Variants in CHP1 observed in about 807,000 individuals in gnomAD.
CHP1 encodes the protein calcineurin like EF-hand protein 1, also known as calcineurin B homologous protein 1.
Under a neutral mutation model 27.4 loss-of-function variants are expected in CHP1, and 11 were observed. The ratio of observed to expected loss-of-function variants is 0.40; its 90% CI spans 0.25 to 0.67. The LOEUF is 0.67. Ranked by LOEUF, CHP1 falls within the 30% of genes least tolerant of loss-of-function variation. The pLI is 0.38. For missense variants in CHP1, 169 were observed against 251.3 expected, an observed-to-expected ratio of 0.67 and a Z score of 2.22; for synonymous variants, 89 against 87.4, an observed-to-expected ratio of 1.02 and a Z score of -0.10.
intron 1 of CHP1, 26 bp from the exon 2 acceptor site, chr15:41,243,641 G>C (rs2047318308): frequency 6.2e-7 from 1 of 1,610,192 alleles, no homozygotes; most frequent in East Asian, 2.2e-5. Flanking sequence ...CTTCCCCCGA[G>C]CTGGGACTAA....
intron 6 of CHP1, 33 bp downstream of exon 6, chr15:41,278,922 C>G (rs150007408): frequency 2.5e-6 from 4 of 1,612,148 alleles, no homozygotes; most frequent in East Asian, 2.2e-5. Context: ...GAAAAAGTTA[C>G]GTTTTAGTGG....
At chr15:41,257,037 C>CT (rs1370225175) in intron 3 of CHP1, 47 bp downstream of exon 3, 3 of 1,423,418 alleles carry the variant, frequency 2.1e-6, no homozygotes, top group Non-Finnish European at 3.0e-6. Flanking sequence ...CTATCACAAC[C>CT]TAAATTATTT....
intron 3 of CHP1, among the ~76,000 whole-genome samples, chr15:41,259,583 C>T (rs1453113194): frequency 7.0e-6 from 1 of 143,042 alleles, no homozygotes; most frequent in Non-Finnish European, 1.5e-5. Context: ...TTATTCAATT[C>T]CCTTTTACCC....
chr15:41,250,881 G>A (rs576362230), intron 2 of CHP1, among the ~76,000 whole-genome samples: 1 of 151,154 alleles, frequency 6.6e-6, no homozygotes, highest in South Asian at 2.1e-4. Flanking sequence ...CCAGGCTGGA[G>A]TGCAGAGGCA....
rs777531502 is a variant in CHP1, at chr15:41,279,394, G to T, written c.*5G>T. On this transcript the variant is annotated 3_prime_UTR_variant, in exon 7 of 7. Coordinates refer to ENST00000334660, the MANE Select transcript of CHP1 (RefSeq NM_007236.5). ...AGCATCCGATTTCTTCACTAAAGGAGACCAAACTGTTCCTTGCGGTCTAGT... is the reference window on the plus strand; with the variant it reads ...AGCATCCGATTTCTTCACTAAAGGATACCAAACTGTTCCTTGCGGTCTAGT... 1.2e-6 allele frequency: 2 copies of T among 1,612,056 alleles called. No homozygotes were observed. Among genetic ancestry groups the T allele is most frequent in the East Asian group, 4.5e-5 (2 of 44,878 alleles).
chr15:41,241,481 A>G (rs1308682785), intron 1 of CHP1, among the ~76,000 whole-genome samples: 2 of 152,204 alleles, frequency 1.3e-5, no homozygotes, highest in Admixed American at 1.3e-4. Flanking sequence ...CTGGTAAGCC[A>G]TGGTGCTAGC....
At chr15:41,258,818 G>A (rs2047416692) in intron 3 of CHP1, among the ~76,000 whole-genome samples, 1 of 152,146 alleles carries the variant, frequency 6.6e-6, no homozygotes, top group Admixed American at 6.5e-5. Flanking sequence ...TTATATGGGT[G>A]CCAGTTTTTA....
chr15:41,273,972 T>C (rs1168148816), intron 5 of CHP1, among the ~76,000 whole-genome samples: 1 of 151,692 alleles, frequency 6.6e-6, no homozygotes, highest in African/African-American at 2.4e-5. Context: ...TTTTTTTTTA[T>C]TTTTTTGAGA....
intron 6 of CHP1, 47 bp from the exon 7 acceptor site, chr15:41,279,289 T>C (rs763139922): frequency 2.1e-6 from 3 of 1,436,824 alleles, no homozygotes; most frequent in South Asian, 1.1e-5. Flanking sequence ...CTTGGGAGTG[T>C]TGTAATCTTC....
intron 2 of CHP1, among the ~76,000 whole-genome samples, chr15:41,247,863 G>T (rs1313029571): frequency 6.6e-6 from 1 of 151,672 alleles, no homozygotes; most frequent in African/African-American, 2.4e-5. Flanking sequence ...CAGCTACTCG[G>T]GAGGCTGAGG....
chr15:41,249,639 AT>A (rs1260922122), intron 2 of CHP1, among the ~76,000 whole-genome samples: 1 of 151,244 alleles, frequency 6.6e-6, no homozygotes, highest in African/African-American at 2.4e-5. Context: ...CACCCAGCTA[AT>A]TTTTTGTATT....
chr15:41,246,072 A>G (rs1466665842), intron 2 of CHP1, among the ~76,000 whole-genome samples: 1 of 152,166 alleles, frequency 6.6e-6, no homozygotes, highest in Non-Finnish European at 1.5e-5. Context: ...TATTAAAACT[A>G]TGTGAATTTA....
In CHP1 at chr15:41,273,442, C is replaced by T. The variant is rs549040965; in HGVS notation, c.411+2824C>T. On this transcript the variant is annotated intron_variant, in intron 5 of 6. Coordinates refer to ENST00000334660, the MANE Select transcript of CHP1 (RefSeq NM_007236.5). Reference sequence around the variant, plus strand: ...TGTCGCCCAGGCTGGAGAGCAGTGGCGTGATCTCAGCTCACTGTAACATCC... The same window carrying T: ...TGTCGCCCAGGCTGGAGAGCAGTGGTGTGATCTCAGCTCACTGTAACATCC... Among the ~76,000 whole-genome samples the T allele has an allele frequency of 3.0e-3, 459 of 152,040 alleles. 1 individual carries two copies. The highest frequency in any genetic ancestry group is 3.6e-3 in the Non-Finnish European group (246 of 67,978).
intron 1 of CHP1, among the ~76,000 whole-genome samples, chr15:41,238,160 CGT>C (rs1259321181): frequency 1.3e-5 from 2 of 151,324 alleles, no homozygotes; most frequent in African/African-American, 2.4e-5. Context: ...GTTTTTTTGG[CGT>C]GTGTTTTTTT....
intron 1 of CHP1, among the ~76,000 whole-genome samples, chr15:41,233,317 TAGTGAAGATGCAAAA>T (rs1400276544): frequency 1.3e-5 from 2 of 152,076 alleles, no homozygotes; most frequent in Non-Finnish European, 2.9e-5. Context: ...GTGTAAACCA[TAGTGAAGATGCAAAA>T]AGCCATTTTT....
chr15:41,248,125 A>G (rs933355488), intron 2 of CHP1, among the ~76,000 whole-genome samples: 1 of 151,878 alleles, frequency 6.6e-6, no homozygotes, highest in Non-Finnish European at 1.5e-5. Context: ...GATGTGCCAG[A>G]CACTGTTCTC....
At chr15:41,258,167 ATTTT>A (rs2047412506) in intron 3 of CHP1, among the ~76,000 whole-genome samples, 1 of 152,042 alleles carries the variant, frequency 6.6e-6, no homozygotes, top group Admixed American at 6.6e-5. Flanking sequence ...TACTTATGTA[ATTTT>A]TTTGTGTATG....
chr15:41,234,718 G>A (rs892768092), intron 1 of CHP1, among the ~76,000 whole-genome samples: 1 of 152,100 alleles, frequency 6.6e-6, no homozygotes, highest in South Asian at 2.1e-4. Flanking sequence ...GGATTCTTAC[G>A]ACAATTACAT....
At position 41,264,185 on chromosome 15, in the gene CHP1, T is replaced by G. The variant is rs773324284; in HGVS notation, c.349+1302T>G. 155 of 1,286,738 alleles carry G rather than the reference T, an allele frequency of 1.2e-4. 2 individuals are homozygous for G. The highest frequency in any genetic ancestry group is 1.1e-3 in the Middle Eastern group (5 of 4,678). The allele number at this position is 1,286,738 out of a possible 1,614,324, so 79.7% of individuals were successfully genotyped here. A position where few individuals can be genotyped will look rare whatever the true frequency, so the allele number is the denominator to read the frequency against. ...GGCAGTAGAGGAAGAGAGATATATA[T>G]AGAGAGAGATCGAGACTGAAATTGA... On this transcript the variant is annotated intron_variant, in intron 4 of 6. Coordinates refer to ENST00000334660, the MANE Select transcript of CHP1 (RefSeq NM_007236.5).
Sources: allele counts gnomAD v4.1 joint callset (sites outside exome capture counted in the v4.1 genomes callset), GRCh38; gene constraint gnomAD v4.1.1; transcripts MANE v1.5; gene names NCBI Gene and HGNC (gene_info 2026-07-23, HGNC 2026-07-21).